Variants in SELENOF observed in about 807,000 individuals in gnomAD.
The protein encoded by SELENOF is 15 kDa selenoprotein.
Under a neutral mutation model 20.5 loss-of-function variants are expected in SELENOF, and 16 were observed. That is an observed-to-expected ratio of 0.78 (90% CI 0.53 to 1.19). The LOEUF is 1.19. Among genes scored for constraint, SELENOF ranks in the 50% most tolerant of loss-of-function variants. The pLI is 0.00. For synonymous variants in SELENOF, 78 were observed against 74.5 expected (o/e 1.05, Z -0.24); for missense variants, 215 against 194.2 (o/e 1.11, Z -0.64).
intron 3 of SELENOF, among the ~76,000 whole-genome samples, chr1:86,873,252 G>A (rs1010711034): frequency 3.9e-5 from 6 of 152,020 alleles, no homozygotes; most frequent in South Asian, 2.1e-4. Flanking sequence ...GCGAGACTCC[G>A]TCTCAAAGAA....
At chr1:86,874,173 G>A (rs1658864319) in intron 3 of SELENOF, among the ~76,000 whole-genome samples, 1 of 151,076 alleles carries the variant, frequency 6.6e-6, no homozygotes, top group East Asian at 1.9e-4. Flanking sequence ...GTTTCACCAT[G>A]CTAGTCAGGC....
At chr1:86,870,952 A>G (rs1235545971) in intron 3 of SELENOF, among the ~76,000 whole-genome samples, 1 of 152,146 alleles carries the variant, frequency 6.6e-6, no homozygotes, top group Non-Finnish European at 1.5e-5. Context: ...ACAGACTGCA[A>G]TAAGTGAACA....
At chr1:86,899,423 C>T (rs1401147545) in intron 2 of SELENOF, among the ~76,000 whole-genome samples, 1 of 125,532 alleles carries the variant, frequency 8.0e-6, no homozygotes, top group Admixed American at 7.2e-5. Flanking sequence ...GGCCGACCCC[C>T]CCCACCTCCC....
intron 2 of SELENOF, among the ~76,000 whole-genome samples, chr1:86,883,172 T>C (rs1659121673): frequency 6.6e-6 from 1 of 150,788 alleles, no homozygotes; most frequent in South Asian, 2.1e-4. Context: ...TATAAACGAA[T>C]CTTATTACAA....
intron 2 of SELENOF, among the ~76,000 whole-genome samples, chr1:86,885,768 T>C (rs1482613914): frequency 6.6e-6 from 1 of 152,186 alleles, no homozygotes; most frequent in Non-Finnish European, 1.5e-5. Context: ...TGTGGTCCAG[T>C]TCTGGCTCTG....
At chr1:86,888,686 G>A (rs1236638370) in intron 2 of SELENOF, among the ~76,000 whole-genome samples, 3 of 152,174 alleles carry the variant, frequency 2.0e-5, no homozygotes, top group South Asian at 2.1e-4. Context: ...TTTTTGAGAC[G>A]GAGTCTCGCT....
intron 1 of SELENOF, among the ~76,000 whole-genome samples, chr1:86,906,081 T>G (rs1415794264): frequency 6.6e-6 from 1 of 152,180 alleles, no homozygotes; most frequent in Non-Finnish European, 1.5e-5. Flanking sequence ...AATGCTGACG[T>G]GATATTTTAT....
At chr1:86,900,235 G>T (rs1659656506) in intron 2 of SELENOF, among the ~76,000 whole-genome samples, 1 of 151,986 alleles carries the variant, frequency 6.6e-6, no homozygotes, top group Admixed American at 6.5e-5. Flanking sequence ...GCCAAGGCAG[G>T]CGGCTGGGAG....
intron 2 of SELENOF, among the ~76,000 whole-genome samples, chr1:86,882,145 T>C (rs899676664): frequency 1.3e-5 from 2 of 150,406 alleles, no homozygotes; most frequent in African/African-American, 4.9e-5. Flanking sequence ...GGCAGAAGAA[T>C]TGCTTGAACC....
intron 2 of SELENOF, among the ~76,000 whole-genome samples, chr1:86,895,168 CTT>C (rs1481857239): frequency 6.6e-6 from 1 of 152,176 alleles, no homozygotes; most frequent in Non-Finnish European, 1.5e-5. Flanking sequence ...TATATTTCCT[CTT>C]GATTCGACTA....
At chr1:86,906,466 G>A (rs1389910293) in intron 1 of SELENOF, among the ~76,000 whole-genome samples, 1 of 152,084 alleles carries the variant, frequency 6.6e-6, no homozygotes, top group Non-Finnish European at 1.5e-5. Flanking sequence ...CTTGAATCTG[G>A]GCACGGGCCA....
intron 3 of SELENOF, 69 bp downstream of exon 3, chr1:86,880,593 G>T: frequency 1.2e-6 from 1 of 832,860 alleles, no homozygotes; most frequent in Non-Finnish European, 1.9e-6. Context: ...GGAATATATA[G>T]TGAAAACGAT....
chr1:86,870,628 T>G (rs1214652250), intron 3 of SELENOF, among the ~76,000 whole-genome samples: 1 of 152,088 alleles, frequency 6.6e-6, no homozygotes, highest in East Asian at 1.9e-4. Flanking sequence ...AAAATATTTT[T>G]TTTTTTTGAG....
chr1:86,908,323 A>G (rs1254650123), intron 1 of SELENOF, among the ~76,000 whole-genome samples: 1 of 152,252 alleles, frequency 6.6e-6, no homozygotes, highest in Non-Finnish European at 1.5e-5. Flanking sequence ...TACCAGAAAC[A>G]TGGCCATTAC....
intron 2 of SELENOF, among the ~76,000 whole-genome samples, chr1:86,903,051 C>G (rs1380899835): frequency 6.6e-6 from 1 of 152,228 alleles, no homozygotes; most frequent in African/African-American, 2.4e-5. Context: ...AGGGATTCTA[C>G]TTCCCCTTTG....
intron 4 of SELENOF, among the ~76,000 whole-genome samples, chr1:86,864,622 C>A (rs1183764454): frequency 1.3e-5 from 2 of 151,562 alleles, no homozygotes; most frequent in African/African-American, 2.4e-5. Flanking sequence ...TACTACTTAA[C>A]CATTTTTGGT....
intron 2 of SELENOF, among the ~76,000 whole-genome samples, chr1:86,898,580 C>CTTT (rs747362493): frequency 7.5e-4 from 94 of 124,960 alleles, no homozygotes; most frequent in Middle Eastern, 3.8e-3. Context: ...TTCTCTTCTT[C>CTTT]TTTTTTTTTT....
At chr1:86,874,699 T>G (rs149305838) in intron 3 of SELENOF, among the ~76,000 whole-genome samples, 20 of 152,238 alleles carry the variant, frequency 1.3e-4, no homozygotes, top group African/African-American at 4.6e-4. Flanking sequence ...GAAAAATGTT[T>G]GAATTATGTT....
chr1:86,869,731 C>CT (rs1235956499), intron 3 of SELENOF, among the ~76,000 whole-genome samples: 5 of 151,254 alleles, frequency 3.3e-5, no homozygotes, highest in African/African-American at 9.7e-5. Context: ...TTCCTTCTTT[C>CT]TTTCTTTTCT....
Sources: allele counts gnomAD v4.1 joint callset (sites outside exome capture counted in the v4.1 genomes callset), GRCh38; gene constraint gnomAD v4.1.1; transcripts MANE v1.5; gene names NCBI Gene and HGNC (gene_info 2026-07-23, HGNC 2026-07-21).